DBT: variants seen among roughly 807,000 people sequenced by gnomAD.
The protein encoded by DBT is dihydrolipoamide branched chain transacylase E2.
Under a neutral mutation model 51.3 loss-of-function variants are expected in DBT, and 40 were observed. The observed-to-expected ratio is 0.78, with a 90% CI of 0.61 to 1.02. The LOEUF (loss-of-function observed/expected upper bound fraction) is 1.02, where lower values mean the gene tolerates loss of function less well. Among genes scored for constraint, DBT ranks in the 50% least tolerant of loss-of-function variants. The pLI, the probability that DBT is intolerant of heterozygous loss-of-function variation, is 0.00. For synonymous variants in DBT, 181 were observed against 190.4 expected (o/e 0.95, Z 0.41); for missense variants, 510 against 580.2 (o/e 0.88, Z 1.24).
intron 6 of DBT, 32 bp from the exon 7 acceptor site, chr1:100,215,015 T>G: frequency 6.7e-7 from 1 of 1,503,636 alleles, no homozygotes; most frequent in South Asian, 1.2e-5. Context: ...TTCATTTATT[T>G]AAATTCTCAA....
At chr1:100,198,184 T>C (rs1448425893) in intron 10 of DBT, among the ~76,000 whole-genome samples, 1 of 152,212 alleles carries the variant, frequency 6.6e-6, no homozygotes, top group African/African-American at 2.4e-5. Context: ...TATTTACCCT[T>C]AAAAATTAAT....
In DBT at chr1:100,230,819, C is replaced by G; in HGVS notation, c.347G>C (p.Gly116Ala). 1 of 1,607,674 alleles carries G rather than the reference C, an allele frequency of 6.2e-7. No individual in the cohort carries two copies. Among genetic ancestry groups the G allele is most frequent in the Non-Finnish European group, 8.5e-7 (1 of 1,174,426 alleles). Reference protein sequence around the residue: ...ASVTITSRYDGVIKKLYYNLD... With the variant: ...ASVTITSRYDAVIKKLYYNLD... Reference sequence around the variant, plus strand: ...ATTATAATAGAGTTTTTTAATGACTCCATCATAACGACTAGTGATGGTAAC... The same window carrying G: ...ATTATAATAGAGTTTTTTAATGACTGCATCATAACGACTAGTGATGGTAAC... Residue 116 changes from glycine to alanine, a missense_variant, in exon 4 of 11, where the codon GGA (glycine) becomes GCA (alanine). By Grantham distance (60) the Gly-to-Ala change is moderately conservative. Coordinates refer to ENST00000370132, the MANE Select transcript of DBT (RefSeq NM_001918.5).
intron 3 of DBT, 61 bp downstream of exon 3, chr1:100,235,375 T>C: frequency 1.2e-6 from 1 of 820,946 alleles, no homozygotes; most frequent in Non-Finnish European, 2.0e-6. Context: ...AAAATAAAAA[T>C]AGTTATTTTT....
chr1:100,203,980 C>A (rs568951036), intron 10 of DBT, among the ~76,000 whole-genome samples: 2 of 152,140 alleles, frequency 1.3e-5, no homozygotes, highest in Non-Finnish European at 2.9e-5. Context: ...TTATGATAAA[C>A]CCACAGCCAA....
intron 4 of DBT, among the ~76,000 whole-genome samples, chr1:100,226,080 TG>T (rs1189230434): frequency 6.6e-6 from 1 of 152,124 alleles, no homozygotes; most frequent in Non-Finnish European, 1.5e-5. Context: ...TAACTTAAAT[TG>T]GTATCTAATC....
chr1:100,248,174 G>C (rs1016452992), intron 1 of DBT, among the ~76,000 whole-genome samples: 3 of 151,626 alleles, frequency 2.0e-5, no homozygotes, highest in Non-Finnish European at 4.4e-5. Flanking sequence ...CACAGTTCTG[G>C]CCAGTGAGAC....
intron 7 of DBT, chr1:100,213,630 G>C: frequency 6.2e-7 from 1 of 1,608,034 alleles, no homozygotes; most frequent in Non-Finnish European, 8.5e-7. Flanking sequence ...TTTGCCTTGA[G>C]GGAGCGAAGA....
intron 7 of DBT, chr1:100,213,305 A>T: frequency 7.4e-6 from 11 of 1,480,404 alleles, no homozygotes; most frequent in Non-Finnish European, 9.8e-6. Flanking sequence ...GGACCACAAG[A>T]CTCTGCTGCA....
Position 100,214,943 on chromosome 1 carries a change from C to T in DBT, c.813G>A (p.Leu271=). The part of the protein sequence containing the change: ...KAMVKTMSAA[L]KIPHFGYCDE... ...CACAATAACCAAAATGAGGTATCTT[C>T]AGGGCTGCAGACATAGTCTTGACCA... is the stretch of plus-strand genomic sequence containing the variant. Residue 271 remains leucine (L), a synonymous_variant, in exon 7 of 11, where the codon CTG becomes CTA. Transcript: ENST00000370132. The T allele has an allele frequency of 6.2e-7, 1 of 1,612,840 alleles. No homozygotes were observed. Among genetic ancestry groups the T allele is most frequent in the Non-Finnish European group, 8.5e-7 (1 of 1,178,914 alleles).
At chr1:100,219,757 C>A (rs11166418) in intron 4 of DBT, among the ~76,000 whole-genome samples, 120,533 of 151,892 alleles carry the variant, frequency 0.79, 49,222 homozygotes, top group East Asian at 0.95. Context: ...TCAAAAAAAA[C>A]CGCACAAGAA....
intron 2 of DBT, among the ~76,000 whole-genome samples, chr1:100,237,734 T>C (rs1663967072): frequency 6.6e-6 from 1 of 152,090 alleles, no homozygotes; most frequent in Non-Finnish European, 1.5e-5. Context: ...GTTCCTGGGC[T>C]CAAGTGATCC....
At chr1:100,247,105 T>A (rs1664585365) in intron 1 of DBT, among the ~76,000 whole-genome samples, 1 of 152,142 alleles carries the variant, frequency 6.6e-6, no homozygotes, top group Non-Finnish European at 1.5e-5. Flanking sequence ...GGGGTTGGGA[T>A]GGGTAGGTTT....
chr1:100,221,141 A>C (rs1427268681), intron 4 of DBT, among the ~76,000 whole-genome samples: 1 of 152,196 alleles, frequency 6.6e-6, no homozygotes, highest in Admixed American at 6.5e-5. Flanking sequence ...TCTGGAAAAC[A>C]TTTTGTGATA....
At chr1:100,238,286 T>C (rs962636985) in intron 2 of DBT, among the ~76,000 whole-genome samples, 6 of 149,738 alleles carry the variant, frequency 4.0e-5, no homozygotes, top group Non-Finnish European at 8.9e-5. Context: ...TCCTTGATTC[T>C]TCCCTCCCTC....
intron 3 of DBT, 89 bp from the exon 4 acceptor site, chr1:100,231,003 A>G: frequency 2.5e-6 from 2 of 808,128 alleles, no homozygotes; most frequent in South Asian, 2.8e-5. Context: ...GAGTTAGATC[A>G]GTATTCATCT....
intron 1 of DBT, among the ~76,000 whole-genome samples, chr1:100,241,428 C>T (rs1182157044): frequency 4.0e-5 from 6 of 151,168 alleles, no homozygotes; most frequent in Non-Finnish European, 8.8e-5. Flanking sequence ...CATGGTCTCA[C>T]TCTGTTGCCC....
At chr1:100,207,897 C>A (rs1459411735) in intron 8 of DBT, among the ~76,000 whole-genome samples, 1 of 151,918 alleles carries the variant, frequency 6.6e-6, no homozygotes, top group Non-Finnish European at 1.5e-5. Flanking sequence ...CTTTGGGAGG[C>A]CGAGGCGGGC....
At chr1:100,235,592 T>A in intron 2 of DBT, 81 bp from the exon 3 acceptor site, 1 of 789,894 alleles carries the variant, frequency 1.3e-6, no homozygotes, top group Admixed American at 1.9e-5. Flanking sequence ...AATTAGAGAA[T>A]GTTCTCAGGC....
chr1:100,205,110 G>A (rs952657812), intron 10 of DBT, among the ~76,000 whole-genome samples: 1 of 152,164 alleles, frequency 6.6e-6, no homozygotes, highest in Non-Finnish European at 1.5e-5. Flanking sequence ...CAAATCAGAT[G>A]TAATGAAACT....
Sources: gnomAD v4.1 joint callset for allele counts (sites outside exome capture counted in the v4.1 genomes callset) on GRCh38, gnomAD v4.1.1 for gene constraint, MANE v1.5 for transcripts, NCBI Gene and HGNC (gene_info 2026-07-23, HGNC 2026-07-21) for gene names.